Variants in SLC22A23 observed in about 807,000 individuals in gnomAD.
The protein encoded by SLC22A23 is solute carrier family 22 member 23.
A neutral mutation model predicts 61.0 loss-of-function variants in SLC22A23; 26 were observed. The observed-to-expected ratio is 0.43, with a 90% CI of 0.31 to 0.59. The LOEUF is 0.59. Ranked by LOEUF, SLC22A23 falls within the 20% of genes least tolerant of loss-of-function variation. SLC22A23 has a pLI of 0.11. For missense variants in SLC22A23, 796 were observed against 934.7 expected, an observed-to-expected ratio of 0.85 and a Z score of 1.94; for synonymous variants, 430 against 413.9, an observed-to-expected ratio of 1.04 and a Z score of -0.47.
intron 4 of SLC22A23, among the ~76,000 whole-genome samples, chr6:3,310,249 A>ACT (rs772022283): frequency 7.0e-6 from 1 of 142,264 alleles, no homozygotes; most frequent in African/African-American, 3.0e-5. Flanking sequence ...CCTGTCTCCC[A>ACT]GGGAGCACCC....
intron 1 of SLC22A23, among the ~76,000 whole-genome samples, chr6:3,429,924 G>C (rs1181262213): frequency 2.0e-5 from 3 of 152,200 alleles, no homozygotes; most frequent in Non-Finnish European, 2.9e-5. Context: ...TAGTTTCATG[G>C]GGATATAGCT....
chr6:3,416,927 G>A (rs1191571493), intron 1 of SLC22A23, among the ~76,000 whole-genome samples: 2 of 152,186 alleles, frequency 1.3e-5, no homozygotes, highest in Non-Finnish European at 2.9e-5. Context: ...CATGGAAGGT[G>A]GTGGGCTGAC....
intron 4 of SLC22A23, among the ~76,000 whole-genome samples, chr6:3,306,005 T>A (rs965622052): frequency 6.6e-6 from 1 of 151,850 alleles, no homozygotes; most frequent in South Asian, 2.1e-4. Flanking sequence ...AGAAAAGAGG[T>A]TTATTTGGCT....
At chr6:3,441,701 C>T (rs567706931) in intron 1 of SLC22A23, among the ~76,000 whole-genome samples, 192 of 152,284 alleles carry the variant, frequency 1.3e-3, no homozygotes, top group Non-Finnish European at 2.1e-3. Flanking sequence ...GGGATGTGCT[C>T]GGTTCACCCC....
intron 9 of SLC22A23, among the ~76,000 whole-genome samples, chr6:3,274,834 A>AGATAAAAATAAATG (rs1052635545): frequency 7.9e-5 from 12 of 152,332 alleles, no homozygotes; most frequent in Middle Eastern, 3.4e-3. Context: ...GAAAATTAAA[A>AGATAAAAATAAATG]GATAAAAATA....
intron 1 of SLC22A23, among the ~76,000 whole-genome samples, chr6:3,439,623 CCT>C (rs1244735609): frequency 9.8e-5 from 15 of 152,324 alleles, no homozygotes; most frequent in Middle Eastern, 3.4e-3. Context: ...ACGAATCTGT[CCT>C]CTTTTATTCT....
At chr6:3,298,796 C>T (rs914400873) in intron 4 of SLC22A23, among the ~76,000 whole-genome samples, 1 of 151,634 alleles carries the variant, frequency 6.6e-6, no homozygotes, top group African/African-American at 2.4e-5. Context: ...CAAGGTGAAA[C>T]CCCGTCTCTA....
chr6:3,426,535 G>C (rs1463896069), intron 1 of SLC22A23, among the ~76,000 whole-genome samples: 1 of 152,136 alleles, frequency 6.6e-6, no homozygotes, highest in Non-Finnish European at 1.5e-5. Context: ...CCTACTCTTA[G>C]GCTTCCTGCC....
In SLC22A23 at chr6:3,342,780, C is replaced by G. The variant is rs571445748; in HGVS notation, c.914-18778G>C. On this transcript the variant is annotated intron_variant, in intron 3 of 9. Transcript: ENST00000406686. This position sits in a 1 kb window ranked among gnomAD's most constrained non-coding sequence, Gnocchi z 4.0. The stretch of plus-strand genomic sequence containing the variant: ...ACCCTCCTAGGGTCAGTGCTTGGGG[C>G]CTGTGAATTAAACTGACAAAAGACA... Among the ~76,000 whole-genome samples the G allele has an allele frequency of 6.6e-6, 1 of 152,258 alleles. No homozygotes were observed. Among genetic ancestry groups the G allele is most frequent in the Non-Finnish European group, 1.5e-5 (1 of 68,024 alleles).
In SLC22A23 at chr6:3,270,255, A is replaced by G. The variant is rs1173614063; in HGVS notation, c.*2800T>C. ...GGTCTCCCTATTAGCCAGGAAGGGAACAGCACAGAGGGGTTCAAGCGTGAC... is the reference window on the plus strand; with the variant it reads ...GGTCTCCCTATTAGCCAGGAAGGGAGCAGCACAGAGGGGTTCAAGCGTGAC... On this transcript the variant is annotated 3_prime_UTR_variant, in exon 10 of 10. Transcript: ENST00000406686. 1.3e-5 allele frequency: 2 copies of G among 152,324 alleles called. No homozygotes were observed. The highest frequency in any genetic ancestry group is 4.8e-5 in the African/African-American group (2 of 41,416). The allele number at this position is 152,324 out of a possible 1,614,324, so 9.4% of individuals were successfully genotyped here. A position where few individuals can be genotyped will look rare whatever the true frequency, so the allele number is the denominator to read the frequency against.
intron 3 of SLC22A23, among the ~76,000 whole-genome samples, chr6:3,400,168 G>A (rs759069028): frequency 9.2e-5 from 14 of 152,266 alleles, no homozygotes; most frequent in African/African-American, 2.4e-4. Context: ...ATGAGCCACC[G>A]CGCCCCGCCC....
intron 3 of SLC22A23, among the ~76,000 whole-genome samples, chr6:3,359,855 A>G (rs191486197): frequency 2.0e-5 from 3 of 152,366 alleles, no homozygotes. Flanking sequence ...AGGATGAAAT[A>G]TAACTCAGCC....
At chr6:3,392,756 C>G (rs1243524135) in intron 3 of SLC22A23, among the ~76,000 whole-genome samples, 2 of 152,092 alleles carry the variant, frequency 1.3e-5, no homozygotes, top group Non-Finnish European at 2.9e-5. Flanking sequence ...AGGGATGGCT[C>G]TGAGGATGTG....
At chr6:3,295,602 C>T (rs1323123260) in intron 5 of SLC22A23, among the ~76,000 whole-genome samples, 1 of 152,164 alleles carries the variant, frequency 6.6e-6, no homozygotes, top group African/African-American at 2.4e-5. Context: ...AGACACGAGG[C>T]TCGGAGCAGG....
rs1410661 is a variant in SLC22A23 at position 3,410,924 on chromosome 6, G to T, written c.759-582C>A. ...ATCACACACTAAGGTAAGACAGCGTGAACTTTAAATGCCCAGTGACCTGAT... is the reference window on the plus strand; with the variant it reads ...ATCACACACTAAGGTAAGACAGCGTTAACTTTAAATGCCCAGTGACCTGAT... On this transcript the variant is annotated intron_variant, in intron 2 of 9. Coordinates refer to ENST00000406686, the MANE Select transcript of SLC22A23 (RefSeq NM_015482.2). This position sits in a 1 kb window ranked among gnomAD's most constrained non-coding sequence, Gnocchi z 5.0. 0.7 allele frequency among the ~76,000 whole-genome samples: 106,082 copies of T among 152,082 alleles called. 38,342 individuals are homozygous for T. The highest frequency in any genetic ancestry group is 0.86 in the Middle Eastern group (252 of 294).
chr6:3,365,553 G>A (rs756373502), intron 3 of SLC22A23, among the ~76,000 whole-genome samples: 3 of 152,082 alleles, frequency 2.0e-5, no homozygotes, highest in African/African-American at 4.8e-5. Context: ...AGCAGTGGGC[G>A]GACCTGATGC....
chr6:3,382,844 G>A (rs560463789), intron 3 of SLC22A23, among the ~76,000 whole-genome samples: 1 of 152,302 alleles, frequency 6.6e-6, no homozygotes, highest in South Asian at 2.1e-4. Context: ...AGGGAGGAAA[G>A]AGCTCTTGCC....
chr6:3,400,709 C>T (rs937479102), intron 3 of SLC22A23, among the ~76,000 whole-genome samples: 17 of 152,198 alleles, frequency 1.1e-4, no homozygotes, highest in Admixed American at 7.2e-4. Flanking sequence ...CAACTGTTTC[C>T]GTGTGATCAC....
chr6:3,276,568 C>T (rs1278010190), intron 9 of SLC22A23: 1 of 152,834 alleles, frequency 6.5e-6, no homozygotes, highest in Non-Finnish European at 1.5e-5. Context: ...CCTCTTCCTC[C>T]TGTCCTCTGC....
Sources: gnomAD v4.1 joint callset for allele counts (sites outside exome capture counted in the v4.1 genomes callset) on GRCh38, gnomAD v4.1.1 for gene constraint, Gnocchi (gnomAD v3.1) non-coding constraint, MANE v1.5 for transcripts, NCBI Gene and HGNC (gene_info 2026-07-23, HGNC 2026-07-21) for gene names.